ATP2B2: variants seen among roughly 807,000 people sequenced by gnomAD.
ATP2B2 encodes the protein plasma membrane calcium-transporting ATPase 2.
ATP2B2 carries 15 observed loss-of-function variants against 120.0 expected under a neutral mutation model. The observed-to-expected ratio is 0.12, with a 90% CI of 0.08 to 0.19. ATP2B2 has a LOEUF of 0.19. Among genes scored for constraint, ATP2B2 ranks in the 10% least tolerant of loss-of-function variants. The probability of loss-of-function intolerance (pLI) is 1.00; values close to 1 mark genes in which losing one functional copy is unlikely to be tolerated. For missense variants in ATP2B2, 1,045 were observed against 1,719.8 expected, an observed-to-expected ratio of 0.61 and a Z score of 6.94; for synonymous variants, 694 against 700.3, an observed-to-expected ratio of 0.99 and a Z score of 0.14.
chr3:10,569,450 C>A (rs1230086106), intron 2 of ATP2B2, among the ~76,000 whole-genome samples: 3 of 152,176 alleles, frequency 2.0e-5, no homozygotes, highest in Non-Finnish European at 4.4e-5. Flanking sequence ...TCACTCCTTT[C>A]CTCTCCCAAG....
intron 22 of ATP2B2, among the ~76,000 whole-genome samples, chr3:10,335,063 A>G (rs548158456): frequency 6.6e-6 from 1 of 152,298 alleles, no homozygotes; most frequent in East Asian, 1.9e-4. Context: ...TCCGGGAAAG[A>G]GCTAGACAAA....
chr3:10,683,184 A>G (rs913153229), intron 1 of ATP2B2, among the ~76,000 whole-genome samples: 2 of 144,024 alleles, frequency 1.4e-5, no homozygotes, highest in African/African-American at 5.2e-5. Flanking sequence ...TATTTTACTG[A>G]TGAGGAAACT....
intron 2 of ATP2B2, among the ~76,000 whole-genome samples, chr3:10,445,798 G>A (rs567219600): frequency 1.3e-5 from 2 of 152,236 alleles, no homozygotes; most frequent in Admixed American, 1.3e-4. Context: ...GGGGTAGGGG[G>A]TGTCGGGAAT....
intron 1 of ATP2B2, among the ~76,000 whole-genome samples, chr3:10,641,146 A>T (rs2070160386): frequency 6.6e-6 from 1 of 152,256 alleles, no homozygotes; most frequent in Admixed American, 6.5e-5. Flanking sequence ...GGAACAGGAT[A>T]CACTACAGCA....
intron 2 of ATP2B2, among the ~76,000 whole-genome samples, chr3:10,604,559 C>T (rs967212042): frequency 6.6e-6 from 1 of 152,182 alleles, no homozygotes; most frequent in African/African-American, 2.4e-5. Context: ...CACCACATGC[C>T]CCACTGTTGG....
intron 1 of ATP2B2, among the ~76,000 whole-genome samples, chr3:10,644,533 GA>G (rs1440473636): frequency 1.3e-5 from 2 of 152,202 alleles, no homozygotes; most frequent in East Asian, 3.8e-4. Context: ...ATGATGAATG[GA>G]TAAACAAAAT....
rs2060471768 is a variant in ATP2B2 at position 10,347,814 on chromosome 3, A to C, written c.2405-1677T>G. ...TCTCCCTAGACGCCTCCCTGCCTCC[A>C]GTCCTGGGGTGGCCTGACTGTGTGC... On this transcript the variant is annotated intron_variant, in intron 16 of 22. Transcript: ENST00000360273. This position sits in a 1 kb window ranked among gnomAD's most constrained non-coding sequence, Gnocchi z 5.2. Among the ~76,000 whole-genome samples the C allele has an allele frequency of 6.6e-6, 1 of 152,114 alleles. No individual in the cohort carries two copies. The highest frequency in any genetic ancestry group is 2.4e-5 in the African/African-American group (1 of 41,422).
intron 1 of ATP2B2, among the ~76,000 whole-genome samples, chr3:10,654,280 C>T (rs190486534): frequency 6.6e-6 from 1 of 152,224 alleles, no homozygotes; most frequent in Admixed American, 6.5e-5. Context: ...CTCTGTCTGT[C>T]CCCCACACTA....
At chr3:10,333,661 G>C (rs757300156) in intron 22 of ATP2B2, among the ~76,000 whole-genome samples, 1 of 152,182 alleles carries the variant, frequency 6.6e-6, no homozygotes, top group Non-Finnish European at 1.5e-5. Context: ...GCTCAGGAAG[G>C]GTCTCAGGAG....
chr3:10,635,988 A>G lies in ATP2B2; in HGVS notation c.-459-16027T>C, dbSNP rs1254174721. ...ATGCCCAGGGCCCTAAATTCTGCAC[A>G]AGTGCTCAGGGATGCAAACTCTGCC... On this transcript the variant is annotated intron_variant, in intron 1 of 21. Transcript: ENST00000646379. This position sits in a 1 kb window ranked among gnomAD's most constrained non-coding sequence, Gnocchi z 4.3. Among the ~76,000 whole-genome samples the G allele has an allele frequency of 1.3e-5, 2 of 152,180 alleles. No individual in the cohort carries two copies. Among genetic ancestry groups the G allele is most frequent in the African/African-American group, 2.4e-5 (1 of 41,452 alleles).
chr3:10,668,629 ACCT>A (rs1427422087), intron 1 of ATP2B2, among the ~76,000 whole-genome samples: 2 of 150,756 alleles, frequency 1.3e-5, no homozygotes, highest in African/African-American at 4.9e-5. Context: ...ACCTTCCTTG[ACCT>A]CCTTTTTAAA....
At chr3:10,332,069 A>C (rs941790762) in intron 22 of ATP2B2, 1 of 1,542,970 alleles carries the variant, frequency 6.5e-7, no homozygotes, top group Non-Finnish European at 8.8e-7. Context: ...ATATTCAGAC[A>C]GTGGAGAGGT....
intron 3 of ATP2B2, among the ~76,000 whole-genome samples, chr3:10,518,394 T>G (rs2066916865): frequency 6.6e-6 from 1 of 152,096 alleles, no homozygotes; most frequent in Non-Finnish European, 1.5e-5. Flanking sequence ...TTAGGCAGCT[T>G]GGAGGCTTGA....
Position 10,556,542 on chromosome 3 carries a change from C to T in ATP2B2, c.-414-22409G>A, listed in dbSNP as rs368281457. The stretch of plus-strand genomic sequence containing the variant: ...GGGGCAGGGAAAGCCTCTCTGAGGA[C>T]GCGGCCTTAAGCACAGACTAGAGTG... On this transcript the variant is annotated intron_variant, in intron 2 of 21. Transcript: ENST00000646379. Among the ~76,000 whole-genome samples, 388 of 152,246 alleles carry T rather than the reference C, an allele frequency of 2.5e-3. 2 individuals are homozygous for T. The highest frequency in any genetic ancestry group is 8.9e-3 in the African/African-American group (369 of 41,550).
intron 14 of ATP2B2, among the ~76,000 whole-genome samples, chr3:10,358,413 A>G (rs2125444403): frequency 6.6e-6 from 1 of 152,362 alleles, no homozygotes; most frequent in South Asian, 2.1e-4. Flanking sequence ...GGAAGAGCTC[A>G]TGGTGGCTGG....
intron 1 of ATP2B2, among the ~76,000 whole-genome samples, chr3:10,653,614 T>C (rs2070526261): frequency 6.6e-6 from 1 of 152,214 alleles, no homozygotes; most frequent in Non-Finnish European, 1.5e-5. Flanking sequence ...CGAGTATTTC[T>C]TAGCCTCAAT....
rs2064069276 is a variant in ATP2B2 at position 10,451,945 on chromosome 3, C to T, written c.-319-2083G>A. On this transcript the variant is annotated intron_variant, in intron 1 of 22. Coordinates refer to ENST00000360273, the MANE Select transcript of ATP2B2 (RefSeq NM_001001331.4). Reference sequence around the variant, plus strand: ...ACTGTGGGATGAGTTCTGTATCATCCATCCAAGGTAAATTCTATAAGGGTT... The same window carrying T: ...ACTGTGGGATGAGTTCTGTATCATCTATCCAAGGTAAATTCTATAAGGGTT... 2.0e-5 allele frequency among the ~76,000 whole-genome samples: 3 copies of T among 152,214 alleles called. No individual in the cohort carries two copies. The South Asian group carries it at 6.2e-4, about 32-fold the overall frequency.
chr3:10,395,362 T>C (rs1378912390), intron 5 of ATP2B2, among the ~76,000 whole-genome samples: 1 of 152,160 alleles, frequency 6.6e-6, no homozygotes, highest in Admixed American at 6.5e-5. Flanking sequence ...AATGTGAATA[T>C]GGATGGCACA....
intron 1 of ATP2B2, among the ~76,000 whole-genome samples, chr3:10,486,907 A>G (rs764044481): frequency 3.9e-5 from 6 of 152,102 alleles, no homozygotes; most frequent in African/African-American, 1.2e-4. Flanking sequence ...TTTAGTAGAG[A>G]TGGGGTTTCA....
Sources: allele counts gnomAD v4.1 joint callset (sites outside exome capture counted in the v4.1 genomes callset), GRCh38; gene constraint gnomAD v4.1.1; non-coding constraint Gnocchi (gnomAD v3.1); transcripts MANE v1.5; gene names NCBI Gene and HGNC (gene_info 2026-07-23, HGNC 2026-07-21).